The following GBP6 variants were observed in gnomAD, a reference collection of about 807,000 sequenced individuals.
GBP6 encodes the protein guanylate binding protein family member 6, also known as guanylate-binding protein 6.
In GBP6, 54 loss-of-function variants were observed where a neutral mutation model predicts 61.5. That is an observed-to-expected ratio of 0.88 (90% CI 0.71 to 1.10). The LOEUF (loss-of-function observed/expected upper bound fraction) is 1.10, where lower values mean the gene tolerates loss of function less well. GBP6 is among the 50% of genes least tolerant of loss of function. GBP6 has a pLI of 0.00. For synonymous variants in GBP6, 255 were observed against 273.7 expected, an observed-to-expected ratio of 0.93 and a Z score of 0.67; for missense variants, 748 against 752.8, an observed-to-expected ratio of 0.99 and a Z score of 0.07.
chr1:89,378,760 G>T, intron 5 of GBP6, 147 bp downstream of exon 5: 1 of 607,156 alleles, frequency 1.6e-6, no homozygotes. Context: ...AAGAGCTCTA[G>T]GAATGGAGCC....
intron 7 of GBP6, 128 bp downstream of exon 7, chr1:89,382,102 A>G (rs1652997679): frequency 1.0e-6 from 1 of 970,320 alleles, no homozygotes; most frequent in Admixed American, 2.8e-5. Flanking sequence ...CATGAGGGAT[A>G]GAGTTTCAAA....
rs550443230 is a variant in GBP6, at chr1:89,384,208, C to T, written c.1584C>T (p.Ala528=). ...ATAAGAGTCGCAAGGAAAACATAGC[C>T]CAACTGAAGGAGAAGCTGCAGATGG... ...AQDKSRKENI[A]QLKEKLQMER... is the part of the protein sequence containing the mutation. The change falls in exon 10 of 11, where the codon GCC becomes GCT. Residue 528 remains alanine, a synonymous_variant. Transcript: ENST00000370456. 81 of 1,613,826 alleles carry T rather than the reference C, an allele frequency of 5.0e-5. No individual in the cohort carries two copies. Among genetic ancestry groups the T allele is most frequent in the Non-Finnish European group, 6.9e-5 (81 of 1,179,910 alleles).
chr1:89,381,566 G>C (rs1171713435), intron 6 of GBP6, 128 bp from the exon 7 acceptor site: 1 of 784,748 alleles, frequency 1.3e-6, no homozygotes, highest in African/African-American at 1.7e-5. Flanking sequence ...AGGTAGGGAT[G>C]TGGGTGTATG....
rs1652560774 is a variant in GBP6 at position 89,369,484 on chromosome 1, G to A, written c.191-62G>A. 6 of 1,562,898 alleles carry A rather than the reference G, an allele frequency of 3.8e-6. No individual in the cohort carries two copies. The African/African-American group carries it at 5.4e-5, about 14-fold the overall frequency. The stretch of plus-strand genomic sequence containing the variant: ...TACAATCCAACCAGTCTGATGCTGT[G>A]GCCCCAGGGCGGCTTGGCTGCTCTG... On this transcript the variant is annotated intron_variant, in intron 2 of 10. Coordinates refer to ENST00000370456, the MANE Select transcript of GBP6 (RefSeq NM_198460.3).
rs369443328 is a variant in GBP6, at chr1:89,381,929, G to A, written c.1107G>A (p.Glu369=). 7.6e-5 allele frequency: 123 copies of A among 1,613,644 alleles called. No homozygotes were observed. The highest frequency in any genetic ancestry group is 9.6e-5 in the Non-Finnish European group (113 of 1,179,702). The change falls in exon 7 of 11, where the codon GAG becomes GAA. Residue 369 remains glutamate, a synonymous_variant. Coordinates refer to ENST00000370456, the MANE Select transcript of GBP6 (RefSeq NM_198460.3). ...GGGAAGCCATTGCAATCTTCATGGAGCACTCCTTCAAGGATGAAAATCAGG... is the reference window on the plus strand; with the variant it reads ...GGGAAGCCATTGCAATCTTCATGGAACACTCCTTCAAGGATGAAAATCAGG... ...CEREAIAIFM[E]HSFKDENQEF...
intron 1 of GBP6, among the ~76,000 whole-genome samples, chr1:89,365,310 G>A (rs1023160993): frequency 1.3e-5 from 2 of 152,182 alleles, no homozygotes; most frequent in African/African-American, 4.8e-5. Flanking sequence ...TTGTTTGCAG[G>A]AGCAGCCACA....
At chr1:89,376,621 A>C (rs1358554974) in intron 3 of GBP6, among the ~76,000 whole-genome samples, 1 of 152,138 alleles carries the variant, frequency 6.6e-6, no homozygotes, top group Non-Finnish European at 1.5e-5. Flanking sequence ...GTGGCTTTGC[A>C]ATATATATTG....
Position 89,385,462 on chromosome 1 carries a change from C to T in GBP6, c.1895C>T (p.Pro632Leu). Residue 632 changes from proline to leucine, a missense_variant, in exon 11 of 11, where the codon CCC (proline) becomes CTC (leucine). Coordinates refer to ENST00000370456, the MANE Select transcript of GBP6 (RefSeq NM_198460.3). ...VSSLFKKHKLPF is the reference protein window; with the variant it reads ...VSSLFKKHKLLF ...TCACTCTTTAAAAAGCATAAGCTCC[C>T]CTTTTAAGGATATTATAGATTGTAC... The T allele has an allele frequency of 6.2e-7, 1 of 1,613,720 alleles. No individual in the cohort carries two copies. Among genetic ancestry groups the T allele is most frequent in the Non-Finnish European group, 8.5e-7 (1 of 1,179,834 alleles).
At position 89,368,709 on chromosome 1, in the gene GBP6, A is replaced by G; in HGVS notation, c.158A>G (p.Tyr53Cys). 2 of 1,613,552 alleles carry G rather than the reference A, an allele frequency of 1.2e-6. No homozygotes were observed. Among genetic ancestry groups the G allele is most frequent in the Non-Finnish European group, 1.7e-6 (2 of 1,179,608 alleles). The change falls in exon 2 of 11, where the codon TAC (tyrosine) becomes TGC (cysteine). Residue 53 changes from tyrosine (Y) to cysteine (C), a missense_variant. Coordinates refer to ENST00000370456, the MANE Select transcript of GBP6 (RefSeq NM_198460.3). ...GGACTGTACCGTACAGGGAAATCCTACTTGATGAACCATCTGGCAGGACAG... is the reference window on the plus strand; with the variant it reads ...GGACTGTACCGTACAGGGAAATCCTGCTTGATGAACCATCTGGCAGGACAG... Reference protein sequence around the residue: ...IVGLYRTGKSYLMNHLAGQNH... With the variant: ...IVGLYRTGKSCLMNHLAGQNH...
At chr1:89,377,902 T>C (rs1652851015) in intron 3 of GBP6, among the ~76,000 whole-genome samples, 1 of 152,228 alleles carries the variant, frequency 6.6e-6, no homozygotes, top group Non-Finnish European at 1.5e-5. Flanking sequence ...AAAAACCCTA[T>C]GAAGATTAGA....
At position 89,372,548 on chromosome 1, in the gene GBP6, G is replaced by A. The variant is rs576224025; in HGVS notation, c.318+2875G>A. The stretch of plus-strand genomic sequence containing the variant: ...ATCTGATCTTTGACAAACCTGACAA[G>A]AACAAGAAATAGGGAAAGGATTCCC... On this transcript the variant is annotated intron_variant, in intron 3 of 10. Coordinates refer to ENST00000370456, the MANE Select transcript of GBP6 (RefSeq NM_198460.3). 1.4e-3 allele frequency among the ~76,000 whole-genome samples: 206 copies of A among 152,104 alleles called. 1 individual carries two copies. Among genetic ancestry groups the A allele is most frequent in the African/African-American group, 4.7e-3 (193 of 41,500 alleles).
intron 5 of GBP6, among the ~76,000 whole-genome samples, chr1:89,379,346 T>TGG (rs59888599): frequency 4.0e-5 from 6 of 151,328 alleles, no homozygotes; most frequent in East Asian, 3.9e-4. Context: ...CCTCCAACAT[T>TGG]GGGGGGGGGG....
chr1:89,384,354 A>T, intron 10 of GBP6, 68 bp downstream of exon 10: 1 of 1,262,738 alleles, frequency 7.9e-7, no homozygotes, highest in South Asian at 1.6e-5. Flanking sequence ...GGGCTGGTGA[A>T]GGTTACAGCA....
At chr1:89,382,615 A>T (rs765323147) in intron 7 of GBP6, 49 bp from the exon 8 acceptor site, 2 of 1,474,248 alleles carry the variant, frequency 1.4e-6, no homozygotes, top group African/African-American at 1.4e-5. Context: ...TTAGAATTTC[A>T]TCTCCTCCAT....
intron 1 of GBP6, among the ~76,000 whole-genome samples, chr1:89,366,668 C>T (rs191082971): frequency 1.2e-3 from 179 of 152,250 alleles, no homozygotes; most frequent in Non-Finnish European, 1.2e-3. Flanking sequence ...ATTATCCAGG[C>T]TTTTGTCTTT....
chr1:89,377,967 G>T, intron 3 of GBP6, 136 bp from the exon 4 acceptor site: 1 of 757,126 alleles, frequency 1.3e-6, no homozygotes, highest in Non-Finnish European at 2.2e-6. Flanking sequence ...ACAAACTGTT[G>T]TTTACATTCA....
chr1:89,375,161 C>G (rs963389956), intron 3 of GBP6, among the ~76,000 whole-genome samples: 1 of 152,042 alleles, frequency 6.6e-6, no homozygotes, highest in South Asian at 2.1e-4. Context: ...TTTATGTATC[C>G]AGTCTATCAT....
At chr1:89,370,897 T>C (rs1652616371) in intron 3 of GBP6, among the ~76,000 whole-genome samples, 1 of 152,206 alleles carries the variant, frequency 6.6e-6, no homozygotes, top group African/African-American at 2.4e-5. Context: ...CAATATAGTA[T>C]TGTTACTTAT....
At chr1:89,374,385 A>G (rs112218248) in intron 3 of GBP6, among the ~76,000 whole-genome samples, 177 of 152,340 alleles carry the variant, frequency 1.2e-3, no homozygotes, top group African/African-American at 4.0e-3. Flanking sequence ...AAATATAAAT[A>G]TAAATATGAA....
Sources: gnomAD v4.1 joint callset for allele counts (sites outside exome capture counted in the v4.1 genomes callset) on GRCh38, gnomAD v4.1.1 for gene constraint, MANE v1.5 for transcripts, NCBI Gene and HGNC (gene_info 2026-07-23, HGNC 2026-07-21) for gene names.